The following CDH18 variants were observed in gnomAD, a reference collection of about 807,000 sequenced individuals.
CDH18 encodes cadherin-18.
Under a neutral mutation model 67.9 loss-of-function variants are expected in CDH18, and 31 were observed. The ratio of observed to expected loss-of-function variants is 0.46; its 90% CI spans 0.34 to 0.62. The LOEUF is 0.62. CDH18 is among the 20% of genes least tolerant of loss of function. The pLI is 0.01. For missense variants in CDH18, 890 were observed against 975.5 expected (o/e 0.91, Z 1.17); for synonymous variants, 362 against 347.2 (o/e 1.04, Z -0.48).
At chr5:19,832,924 T>C (rs1470261249) in intron 3 of CDH18, among the ~76,000 whole-genome samples, 3 of 152,172 alleles carry the variant, frequency 2.0e-5, no homozygotes, top group Admixed American at 2.0e-4. Context: ...TTGGTTACTA[T>C]AGGTTTGTAG....
chr5:20,116,833 A>C (rs1747953901), intron 2 of CDH18, among the ~76,000 whole-genome samples: 1 of 152,190 alleles, frequency 6.6e-6, no homozygotes, highest in South Asian at 2.1e-4. Context: ...GATCAGAATA[A>C]CTGTATTTGG....
chr5:19,942,561 G>A (rs1794926866), intron 2 of CDH18, among the ~76,000 whole-genome samples: 2 of 152,230 alleles, frequency 1.3e-5, no homozygotes, highest in South Asian at 2.1e-4. Context: ...TTGACTTCTG[G>A]TTTTCAATCT....
intron 1 of CDH18, among the ~76,000 whole-genome samples, chr5:20,276,548 T>G (rs1745826947): frequency 6.6e-6 from 1 of 152,170 alleles, no homozygotes; most frequent in Non-Finnish European, 1.5e-5. Context: ...AGCCAAGAAT[T>G]ACTCATTGTG....
chr5:20,032,197 T>C (rs958869677), intron 2 of CDH18, among the ~76,000 whole-genome samples: 6 of 151,588 alleles, frequency 4.0e-5, no homozygotes. Context: ...TATATATGTA[T>C]GCATGTGTAT....
intron 2 of CDH18, among the ~76,000 whole-genome samples, chr5:19,946,594 T>C (rs1307607221): frequency 6.6e-6 from 1 of 152,088 alleles, no homozygotes; most frequent in Non-Finnish European, 1.5e-5. Flanking sequence ...CTTAACCAAG[T>C]TGGAATATGT....
At chr5:19,919,149 T>C (rs1388364958) in intron 2 of CDH18, among the ~76,000 whole-genome samples, 2 of 152,070 alleles carry the variant, frequency 1.3e-5, no homozygotes, top group Non-Finnish European at 2.9e-5. Context: ...TGCATTAACG[T>C]GCCAGAAGGG....
At chr5:19,521,685 A>G (rs1246281843) in intron 9 of CDH18, among the ~76,000 whole-genome samples, 1 of 132,688 alleles carries the variant, frequency 7.5e-6, no homozygotes, top group Non-Finnish European at 1.7e-5. Flanking sequence ...GTAAGAAAAT[A>G]GATGGGTTAA....
chr5:19,940,245 T>C (rs1794680531), intron 2 of CDH18, among the ~76,000 whole-genome samples: 1 of 151,348 alleles, frequency 6.6e-6, no homozygotes, highest in South Asian at 2.1e-4. Flanking sequence ...ATAGTATTTA[T>C]AGTAATAATA....
intron 2 of CDH18, among the ~76,000 whole-genome samples, chr5:20,017,712 C>A (rs1435092996): frequency 6.6e-6 from 1 of 152,026 alleles, no homozygotes; most frequent in East Asian, 1.9e-4. Context: ...TTACTTTAGC[C>A]TTGAAGCCAG....
At chr5:20,001,158 T>C (rs1736408322) in intron 2 of CDH18, among the ~76,000 whole-genome samples, 2 of 152,208 alleles carry the variant, frequency 1.3e-5, no homozygotes, top group African/African-American at 4.8e-5. Context: ...CATGGGAAGC[T>C]TGATCTTCAT....
At chr5:20,147,053 A>G (rs1321727779) in intron 2 of CDH18, among the ~76,000 whole-genome samples, 2 of 152,156 alleles carry the variant, frequency 1.3e-5, no homozygotes, top group Non-Finnish European at 2.9e-5. Flanking sequence ...AGTTTGTAAT[A>G]AAGTTGAAAG....
At chr5:20,218,270 C>CA (rs945547905) in intron 2 of CDH18, among the ~76,000 whole-genome samples, 2 of 151,618 alleles carry the variant, frequency 1.3e-5, no homozygotes, top group East Asian at 3.9e-4. Context: ...TGCTAGGCCA[C>CA]AAAAAAAGTT....
intron 1 of CDH18, among the ~76,000 whole-genome samples, chr5:20,279,656 G>A (rs529987560): frequency 1.8e-3 from 218 of 120,692 alleles, no homozygotes; most frequent in Admixed American, 6.2e-3. Flanking sequence ...CCGAGATCAT[G>A]CCATTGCACT....
intron 2 of CDH18, among the ~76,000 whole-genome samples, chr5:20,121,551 C>T (rs1290721638): frequency 1.3e-5 from 2 of 152,166 alleles, no homozygotes; most frequent in Non-Finnish European, 2.9e-5. Context: ...AATGGGGCAG[C>T]AAAACAGGTG....
chr5:19,838,652 A>T lies in CDH18; in HGVS notation c.228+107T>A, dbSNP rs185208425. The stretch of plus-strand genomic sequence containing the variant: ...TCTATAGCGTAATTCACTCTACAAC[A>T]TAATTTGCTTCATTTGTCTATCTCT... On this transcript the variant is annotated intron_variant, in intron 3 of 12. Coordinates refer to ENST00000382275, the MANE Select transcript of CDH18 (RefSeq NM_004934.5). 7.8e-5 allele frequency: 54 copies of T among 693,938 alleles called. No homozygotes were observed. In the East Asian group the frequency reaches 1.3e-3, roughly 17 times the overall value. 43.0% of individuals were successfully genotyped at this position (693,938 alleles called of 1,614,324 possible). A position where few individuals can be genotyped will look rare whatever the true frequency, so the allele number is the denominator to read the frequency against.
At chr5:20,294,422 G>A (rs913869091) in intron 1 of CDH18, among the ~76,000 whole-genome samples, 2 of 152,176 alleles carry the variant, frequency 1.3e-5, no homozygotes, top group Non-Finnish European at 2.9e-5. Context: ...TGCGATTGGT[G>A]GGTTTTCATT....
intron 2 of CDH18, among the ~76,000 whole-genome samples, chr5:20,127,537 TA>T (rs1362652076): frequency 6.6e-6 from 1 of 152,094 alleles, no homozygotes; most frequent in East Asian, 1.9e-4. Context: ...AATCCCGTCA[TA>T]TGGGACAACA....
intron 6 of CDH18, among the ~76,000 whole-genome samples, chr5:19,595,419 T>A (rs1746015053): frequency 6.6e-6 from 1 of 152,314 alleles, no homozygotes; most frequent in African/African-American, 2.4e-5. Context: ...TCGAGACCTG[T>A]TCGAGACTAG....
intron 1 of CDH18, among the ~76,000 whole-genome samples, chr5:20,371,414 T>A (rs1234135898): frequency 6.6e-6 from 1 of 152,216 alleles, no homozygotes; most frequent in African/African-American, 2.4e-5. Flanking sequence ...CTTGACGCAT[T>A]GTTCTGCAGA....
Sources: gnomAD v4.1 joint callset for allele counts (sites outside exome capture counted in the v4.1 genomes callset) on GRCh38, gnomAD v4.1.1 for gene constraint, MANE v1.5 for transcripts, NCBI Gene and HGNC (gene_info 2026-07-23, HGNC 2026-07-21) for gene names.